SERGEF: variants seen among roughly 807,000 people sequenced by gnomAD.
SERGEF encodes the protein secretion regulating guanine nucleotide exchange factor.
A neutral mutation model predicts 50.0 loss-of-function variants in SERGEF; 51 were observed. That is an observed-to-expected ratio of 1.02 (90% confidence interval 0.81 to 1.29). SERGEF has a LOEUF of 1.29. Among genes scored for constraint, SERGEF ranks in the 50% most tolerant of loss-of-function variants. The probability of loss-of-function intolerance (pLI) is 0.00; values close to 1 mark genes in which losing one functional copy is unlikely to be tolerated. For synonymous variants in SERGEF, 205 were observed against 212.4 expected, an observed-to-expected ratio of 0.97 and a Z score of 0.30; for missense variants, 521 against 557.0, an observed-to-expected ratio of 0.94 and a Z score of 0.65.
At chr11:17,953,047 C>A (rs1182982180) in intron 9 of SERGEF, among the ~76,000 whole-genome samples, 2 of 152,118 alleles carry the variant, frequency 1.3e-5, no homozygotes, top group Admixed American at 1.3e-4. Flanking sequence ...GGAAGGCTTT[C>A]CAGTCACAAC....
At chr11:17,862,890 TG>T (rs540146972) in intron 10 of SERGEF, among the ~76,000 whole-genome samples, 86 of 152,330 alleles carry the variant, frequency 5.6e-4, no homozygotes, top group African/African-American at 2.0e-3. Context: ...GACAAAAGGA[TG>T]GGGGCTGGTC....
intron 8 of SERGEF, among the ~76,000 whole-genome samples, chr11:17,978,173 C>T (rs1196160046): frequency 6.6e-6 from 1 of 152,112 alleles, no homozygotes; most frequent in African/African-American, 2.4e-5. Flanking sequence ...GGGGCTACAG[C>T]AGTATTACCC....
chr11:17,928,284 C>CAAG (rs1242863279), intron 9 of SERGEF, among the ~76,000 whole-genome samples: 3 of 152,116 alleles, frequency 2.0e-5, no homozygotes, highest in Non-Finnish European at 4.4e-5. Context: ...ATCTCACAGA[C>CAAG]AAGACCACAT....
At chr11:17,915,141 G>A (rs879416205) in intron 9 of SERGEF, among the ~76,000 whole-genome samples, 29 of 148,302 alleles carry the variant, frequency 2.0e-4, no homozygotes, top group Non-Finnish European at 3.5e-4. Context: ...GTAGATGCTC[G>A]TTGTATGAAT....
At chr11:18,010,710 A>G (rs2134017162) in intron 1 of SERGEF, among the ~76,000 whole-genome samples, 1 of 152,294 alleles carries the variant, frequency 6.6e-6, no homozygotes, top group East Asian at 1.9e-4. Flanking sequence ...CCTGCCAGAA[A>G]CTAAACTCCA....
intron 9 of SERGEF, among the ~76,000 whole-genome samples, chr11:17,879,574 G>A (rs1017745490): frequency 1.3e-5 from 2 of 152,128 alleles, no homozygotes; most frequent in African/African-American, 4.8e-5. Flanking sequence ...ATTCATGTAT[G>A]AGTGATTCCT....
At chr11:17,950,957 G>GA (rs930982365) in intron 9 of SERGEF, among the ~76,000 whole-genome samples, 10 of 151,986 alleles carry the variant, frequency 6.6e-5, no homozygotes, top group Non-Finnish European at 1.3e-4. Context: ...CTCTGCTGCT[G>GA]AAAAAAAAGC....
intron 9 of SERGEF, among the ~76,000 whole-genome samples, chr11:17,941,977 C>T (rs77509586): frequency 0.015 from 2,346 of 152,060 alleles, 23 homozygotes; most frequent in Non-Finnish European, 0.024. Flanking sequence ...TAAAATTGGG[C>T]TGTTTGGTTT....
chr11:17,818,997 G>T (rs1850027204), intron 10 of SERGEF, among the ~76,000 whole-genome samples: 1 of 152,140 alleles, frequency 6.6e-6, no homozygotes, highest in African/African-American at 2.4e-5. Flanking sequence ...ATTTCTTCAG[G>T]CAGCTGTCTA....
At chr11:17,807,913 T>C (rs1451245208) in intron 10 of SERGEF, among the ~76,000 whole-genome samples, 1 of 152,170 alleles carries the variant, frequency 6.6e-6, no homozygotes, top group Non-Finnish European at 1.5e-5. Context: ...CAGAACAAGG[T>C]GTTTCCAAAT....
chr11:17,847,553 C>T (rs975628588), intron 10 of SERGEF, among the ~76,000 whole-genome samples: 5 of 152,134 alleles, frequency 3.3e-5, no homozygotes, highest in Admixed American at 6.5e-5. Context: ...TATTTTAAAA[C>T]GCTATTTACA....
At chr11:17,984,665 G>A (rs746205552) in intron 8 of SERGEF, among the ~76,000 whole-genome samples, 9 of 152,188 alleles carry the variant, frequency 5.9e-5, no homozygotes, top group Non-Finnish European at 1.3e-4. Context: ...ACAGTGGGCT[G>A]AACTAGGGTG....
At chr11:17,893,940 C>T (rs148989648) in intron 9 of SERGEF, among the ~76,000 whole-genome samples, 1 of 152,262 alleles carries the variant, frequency 6.6e-6, no homozygotes, top group African/African-American at 2.4e-5. Flanking sequence ...TTAATTCTGG[C>T]CTTAGCTCTT....
At chr11:17,926,891 G>T (rs936066185) in intron 9 of SERGEF, 1 of 455,872 alleles carries the variant, frequency 2.2e-6, no homozygotes, top group Non-Finnish European at 4.4e-6. Flanking sequence ...GAATGAAAAG[G>T]TTACCCACTG....
intron 10 of SERGEF, among the ~76,000 whole-genome samples, chr11:17,811,545 T>G (rs1849874535): frequency 6.6e-6 from 1 of 152,220 alleles, no homozygotes; most frequent in African/African-American, 2.4e-5. Context: ...CTTCCAGACA[T>G]GCTGCATCTA....
intron 9 of SERGEF, among the ~76,000 whole-genome samples, chr11:17,953,563 G>A (rs911019184): frequency 9.9e-5 from 15 of 152,222 alleles, no homozygotes; most frequent in African/African-American, 3.1e-4. Context: ...CTGGGATTGA[G>A]AAGCACAGAC....
At chr11:17,885,489 T>A (rs1445079567) in intron 9 of SERGEF, among the ~76,000 whole-genome samples, 1 of 147,688 alleles carries the variant, frequency 6.8e-6, no homozygotes, top group Non-Finnish European at 1.5e-5. Flanking sequence ...GCCTGGCCAA[T>A]TTTTTTTTTT....
chr11:17,905,168 A>G (rs909867729), intron 9 of SERGEF, among the ~76,000 whole-genome samples: 3 of 152,254 alleles, frequency 2.0e-5, no homozygotes, highest in African/African-American at 7.2e-5. Flanking sequence ...CAAAATATCC[A>G]GGAAAATTTA....
At chr11:17,980,196 C>G (rs999521094) in intron 8 of SERGEF, among the ~76,000 whole-genome samples, 1 of 152,180 alleles carries the variant, frequency 6.6e-6, no homozygotes, top group East Asian at 1.9e-4. Flanking sequence ...CTTAAAGGAC[C>G]TTTTGTGACC....
Sources: gnomAD v4.1 joint callset for allele counts (sites outside exome capture counted in the v4.1 genomes callset) on GRCh38, gnomAD v4.1.1 for gene constraint, MANE v1.5 for transcripts, NCBI Gene and HGNC (gene_info 2026-07-23, HGNC 2026-07-21) for gene names.